The following ARHGAP26 variants were observed in gnomAD, a reference collection of about 807,000 sequenced individuals.
ARHGAP26 encodes the protein rho GTPase-activating protein 26.
ARHGAP26 carries 38 observed loss-of-function variants against 104.8 expected under a neutral mutation model. The ratio of observed to expected loss-of-function variants is 0.36; its 90% CI spans 0.28 to 0.48. The LOEUF is 0.48. Among genes scored for constraint, ARHGAP26 ranks in the 20% least tolerant of loss-of-function variants. The pLI, the probability that ARHGAP26 is intolerant of heterozygous loss-of-function variation, is 0.99. For synonymous variants in ARHGAP26, 341 were observed against 340.0 expected (o/e 1.00, Z -0.03); for missense variants, 704 against 947.9 (o/e 0.74, Z 3.38).
chr5:143,125,186 A>C (rs776098659), intron 18 of ARHGAP26, among the ~76,000 whole-genome samples: 1 of 152,092 alleles, frequency 6.6e-6, no homozygotes, highest in Non-Finnish European at 1.5e-5. Context: ...AAGGTAAGAG[A>C]CCTCTGTGTT....
rs202143647 is a variant in ARHGAP26, at chr5:143,162,990, G to A, written c.1988+15609G>A. Among the ~76,000 whole-genome samples the A allele has an allele frequency of 3.9e-4, 59 of 152,080 alleles. 1 individual carries two copies. In the East Asian group the frequency reaches 8.6e-3, roughly 22 times the overall value. On this transcript the variant is annotated intron_variant, in intron 20 of 22. Transcript: ENST00000645722. ...AAGTTAGCTGAGTGTGGTGGTATGC[G>A]CCTGTGGTCCCATCTACTTGGGAGG...
At chr5:142,803,720 G>A (rs1410736960) in intron 1 of ARHGAP26, among the ~76,000 whole-genome samples, 1 of 152,184 alleles carries the variant, frequency 6.6e-6, no homozygotes, top group Non-Finnish European at 1.5e-5. Context: ...CAGGGACTCT[G>A]GTGGCATCTG....
intron 14 of ARHGAP26, among the ~76,000 whole-genome samples, chr5:143,044,909 C>T (rs1251782922): frequency 6.6e-6 from 1 of 152,070 alleles, no homozygotes; most frequent in African/African-American, 2.4e-5. Context: ...AGTGAGTATA[C>T]AGAGAGAATC....
intron 17 of ARHGAP26, among the ~76,000 whole-genome samples, chr5:143,091,077 A>G (rs1315745447): frequency 6.6e-6 from 1 of 152,258 alleles, no homozygotes; most frequent in East Asian, 1.9e-4. Flanking sequence ...AAAAAAGAGT[A>G]ATAGAATAGA....
chr5:142,977,929 C>T (rs994881830), intron 11 of ARHGAP26, among the ~76,000 whole-genome samples: 10 of 152,214 alleles, frequency 6.6e-5, no homozygotes, highest in African/African-American at 2.4e-4. Flanking sequence ...ACTGGAGCAG[C>T]ACCTTGAGAG....
chr5:142,881,559 A>T (rs1437773008), intron 4 of ARHGAP26, among the ~76,000 whole-genome samples: 1 of 152,164 alleles, frequency 6.6e-6, no homozygotes, highest in Non-Finnish European at 1.5e-5. Context: ...TTATTAAATA[A>T]CTTTTGGATG....
intron 20 of ARHGAP26, among the ~76,000 whole-genome samples, chr5:143,177,628 C>A (rs575161805): frequency 7.9e-5 from 12 of 152,300 alleles, no homozygotes; most frequent in African/African-American, 1.2e-4. Context: ...TCAGGAATAA[C>A]AATAATACTA....
chr5:143,058,087 C>T (rs1366222710), intron 17 of ARHGAP26: 1 of 501,266 alleles, frequency 2.0e-6, no homozygotes, highest in East Asian at 4.0e-5. Flanking sequence ...TGTTCTTATG[C>T]TCATCAAGAA....
In ARHGAP26 at chr5:143,161,272, A is replaced by C. The variant is rs142482271; in HGVS notation, c.1988+13891A>C. ...GGTGATCCACCCGTCTTGGCCTCCC[A>C]AAGTGCAGGGATTACAGGCATGAGC... On this transcript the variant is annotated intron_variant, in intron 20 of 22. Transcript: ENST00000645722. Among the ~76,000 whole-genome samples, 1,076 of 152,170 alleles carry C rather than the reference A, an allele frequency of 7.1e-3. 15 individuals carry two copies. Among genetic ancestry groups the C allele is most frequent in the African/African-American group, 0.025 (1,022 of 41,486 alleles).
chr5:143,111,757 A>C (rs564122279), intron 17 of ARHGAP26, among the ~76,000 whole-genome samples: 1 of 152,372 alleles, frequency 6.6e-6, no homozygotes, highest in South Asian at 2.1e-4. Flanking sequence ...GCATGTAATA[A>C]TTATTAGACC....
At chr5:142,804,290 C>T (rs970552492) in intron 1 of ARHGAP26, among the ~76,000 whole-genome samples, 1 of 152,090 alleles carries the variant, frequency 6.6e-6, no homozygotes, top group Non-Finnish European at 1.5e-5. Flanking sequence ...CTTGCTATTC[C>T]GTAACTATTA....
At chr5:142,915,108 G>A (rs953713790) in intron 10 of ARHGAP26, among the ~76,000 whole-genome samples, 1 of 152,052 alleles carries the variant, frequency 6.6e-6, no homozygotes, top group Admixed American at 6.5e-5. Context: ...CTTTTTAGGC[G>A]ATTAAAGCTC....
chr5:143,156,896 G>A (rs961562108), intron 20 of ARHGAP26, among the ~76,000 whole-genome samples: 2 of 152,226 alleles, frequency 1.3e-5, no homozygotes, highest in African/African-American at 2.4e-5. Context: ...CAGCTGCTTC[G>A]CAAATGCGTG....
chr5:143,190,709 A>G (rs1805807326), intron 20 of ARHGAP26, among the ~76,000 whole-genome samples: 2 of 152,220 alleles, frequency 1.3e-5, no homozygotes, highest in South Asian at 2.1e-4. Context: ...AAAAGACACC[A>G]CTGAAAAAAT....
intron 11 of ARHGAP26, among the ~76,000 whole-genome samples, chr5:142,945,279 A>C (rs1182369371): frequency 6.6e-6 from 1 of 152,062 alleles, no homozygotes; most frequent in Non-Finnish European, 1.5e-5. Context: ...CAGCCTTTCT[A>C]CCTGTGCTTC....
At chr5:142,772,695 G>A (rs999035954) in intron 1 of ARHGAP26, 70 of 527,666 alleles carry the variant, frequency 1.3e-4, no homozygotes, top group African/African-American at 1.2e-3. Flanking sequence ...CAGGACCAGA[G>A]CTTTTGAATC....
chr5:143,156,900 A>T (rs1800533774), intron 20 of ARHGAP26, among the ~76,000 whole-genome samples: 1 of 152,376 alleles, frequency 6.6e-6, no homozygotes, highest in East Asian at 1.9e-4. Context: ...TGCTTCGCAA[A>T]TGCGTGCCTG....
intron 20 of ARHGAP26, among the ~76,000 whole-genome samples, chr5:143,161,841 A>G (rs1162909553): frequency 6.6e-6 from 1 of 152,222 alleles, no homozygotes; most frequent in Non-Finnish European, 1.5e-5. Flanking sequence ...GATAGAAATC[A>G]TTCTGGGTTT....
chr5:143,055,485 C>G (rs1278433407), intron 15 of ARHGAP26, among the ~76,000 whole-genome samples: 1 of 152,192 alleles, frequency 6.6e-6, no homozygotes, highest in African/African-American at 2.4e-5. Flanking sequence ...AAAAAACCCT[C>G]AAGTTTATGG....
Sources: gnomAD v4.1 joint callset for allele counts (sites outside exome capture counted in the v4.1 genomes callset) on GRCh38, gnomAD v4.1.1 for gene constraint, MANE v1.5 for transcripts, NCBI Gene and HGNC (gene_info 2026-07-23, HGNC 2026-07-21) for gene names.